The following HERC2 variants were observed in gnomAD, a reference collection of about 807,000 sequenced individuals.
HERC2 encodes the protein HECT and RLD domain containing E3 ubiquitin protein ligase 2.
A neutral mutation model predicts 537.7 loss-of-function variants in HERC2; 102 were observed. The observed-to-expected ratio is 0.19, with a 90% CI of 0.16 to 0.22. The LOEUF (loss-of-function observed/expected upper bound fraction) is 0.22, where lower values mean the gene tolerates loss of function less well. Ranked by LOEUF, HERC2 falls within the 10% of genes least tolerant of loss-of-function variation. HERC2 has a pLI of 1.00. For missense variants in HERC2, 4,236 were observed against 6,198.2 expected (o/e 0.68, Z 10.63); for synonymous variants, 2,224 against 2,466.2 (o/e 0.90, Z 2.91).
chr15:28,218,110 A>C (rs1233966740), intron 38 of HERC2, among the ~76,000 whole-genome samples: 1 of 151,214 alleles, frequency 6.6e-6, no homozygotes, highest in Middle Eastern at 3.4e-3. Flanking sequence ...ATGAGGTTGA[A>C]TGATGTCCTT....
In HERC2 at chr15:28,167,747, T is replaced by C. The variant is rs1894291355; in HGVS notation, c.10494A>G (p.Pro3498=). The C allele has an allele frequency of 6.2e-7, 1 of 1,614,174 alleles. No homozygotes were observed. Among genetic ancestry groups the C allele is most frequent in the Non-Finnish European group, 8.5e-7 (1 of 1,180,032 alleles). The change falls in exon 68 of 93, where the codon CCA becomes CCG. Residue 3498 remains proline (P), a synonymous_variant. Transcript: ENST00000261609. ...TTGCGGCTCCCAGGTCATCCGTCAC[T>C]GGGATAAAAGGCCGAGCGGAGGCTG... ...APSASARPFI[P]VTDDLGAASI... is the part of the protein sequence containing the mutation.
intron 70 of HERC2, among the ~76,000 whole-genome samples, chr15:28,151,560 A>AC (rs1434479816): frequency 6.6e-6 from 1 of 152,234 alleles, no homozygotes; most frequent in African/African-American, 2.4e-5. Context: ...TCCAGGGCAG[A>AC]CCCCAGGTGA....
At chr15:28,134,406 G>A (rs1280408904) in intron 79 of HERC2, among the ~76,000 whole-genome samples, 6 of 151,976 alleles carry the variant, frequency 3.9e-5, no homozygotes, top group Non-Finnish European at 7.4e-5. Flanking sequence ...AATGTTTTCT[G>A]CAAAAAAGAC....
rs373567574 is a variant in HERC2, at chr15:28,201,448, T to G, written c.7716+8A>C. The G allele has an allele frequency of 6.5e-7, 1 of 1,538,722 alleles. No individual in the cohort carries two copies. The highest frequency in any genetic ancestry group is 2.2e-5 in the East Asian group (1 of 44,510). ...GGATCGAGGCTCCAGCTTAAGACAA[T>G]TACTCACCTGAATATTCTCTCTCAC... is the stretch of plus-strand genomic sequence containing the variant. On this transcript the variant is annotated splice_region_variant and intron_variant, in intron 48 of 92. Coordinates refer to ENST00000261609, the MANE Select transcript of HERC2 (RefSeq NM_004667.6).
chr15:28,130,436 A>C (rs1889986696), intron 82 of HERC2, 67 bp downstream of exon 82: 1 of 1,577,456 alleles, frequency 6.3e-7, no homozygotes, highest in African/African-American at 1.4e-5. Context: ...CATCCATGAA[A>C]AGGTGGTGCA....
At position 28,249,188 on chromosome 15, in the gene HERC2, T is replaced by G. The variant is rs1188441760; in HGVS notation, c.3051-452A>C. 2.0e-5 allele frequency among the ~76,000 whole-genome samples: 3 copies of G among 152,226 alleles called. No individual in the cohort carries two copies. The East Asian group carries it at 5.8e-4, about 29-fold the overall frequency. On this transcript the variant is annotated intron_variant, in intron 20 of 92. Coordinates refer to ENST00000261609, the MANE Select transcript of HERC2 (RefSeq NM_004667.6). ...CAAAGCTGCATTTCAAACAGCAATG[T>G]GATACTACTCTTCAAGACAAGACTC...
At chr15:28,150,097 T>C (rs1462454753) in intron 70 of HERC2, among the ~76,000 whole-genome samples, 1 of 149,922 alleles carries the variant, frequency 6.7e-6, no homozygotes, top group Non-Finnish European at 1.5e-5. Context: ...CTAGTAAAAT[T>C]ACCGAAAAAC....
intron 4 of HERC2, among the ~76,000 whole-genome samples, chr15:28,289,192 T>C (rs2076243633): frequency 6.6e-6 from 1 of 151,974 alleles, no homozygotes; most frequent in Non-Finnish European, 1.5e-5. Flanking sequence ...CAAGACCTAA[T>C]TATATGATAC....
intron 20 of HERC2, among the ~76,000 whole-genome samples, chr15:28,250,066 G>A (rs1042991664): frequency 2.7e-4 from 8 of 29,522 alleles, no homozygotes; most frequent in South Asian, 2.4e-3. Context: ...CACCCGCCCC[G>A]TTGAGCCAGG....
intron 68 of HERC2, among the ~76,000 whole-genome samples, chr15:28,163,520 A>G (rs1349458198): frequency 6.6e-6 from 1 of 152,164 alleles, no homozygotes; most frequent in Non-Finnish European, 1.5e-5. Flanking sequence ...ATTTATCAAA[A>G]AGGGATGACT....
chr15:28,284,383 A>G (rs1185346767), intron 4 of HERC2, among the ~76,000 whole-genome samples: 1 of 152,188 alleles, frequency 6.6e-6, no homozygotes, highest in Non-Finnish European at 1.5e-5. Context: ...TGGCAGTGTT[A>G]AGCCTCAGTT....
intron 55 of HERC2, among the ~76,000 whole-genome samples, chr15:28,188,926 A>G (rs978141527): frequency 6.6e-6 from 1 of 152,036 alleles, no homozygotes; most frequent in African/African-American, 2.4e-5. Flanking sequence ...CGTCTCTATT[A>G]AAAATACAAA....
intron 70 of HERC2, among the ~76,000 whole-genome samples, chr15:28,148,841 C>A (rs1299570096): frequency 6.6e-6 from 1 of 151,610 alleles, no homozygotes; most frequent in Non-Finnish European, 1.5e-5. Context: ...ATAAAACACA[C>A]GCAACTTCTA....
chr15:28,318,695 G>A (rs1349782233), intron 2 of HERC2, among the ~76,000 whole-genome samples: 8 of 152,052 alleles, frequency 5.3e-5, no homozygotes, highest in African/African-American at 1.4e-4. Flanking sequence ...GGCATAAAAT[G>A]AGCCCTGCAT....
chr15:28,267,531 G>A (rs536763288), intron 12 of HERC2, among the ~76,000 whole-genome samples: 3 of 152,338 alleles, frequency 2.0e-5, no homozygotes, highest in Non-Finnish European at 2.9e-5. Flanking sequence ...CAGTGTGAGA[G>A]TAACAGCTAT....
intron 36 of HERC2, among the ~76,000 whole-genome samples, chr15:28,220,873 C>G (rs1900455758): frequency 1.3e-5 from 2 of 148,828 alleles, no homozygotes; most frequent in African/African-American, 5.0e-5. Flanking sequence ...CCATGGCTCC[C>G]ACCAGACCTC....
Position 28,229,258 on chromosome 15 carries a change from C to T in HERC2, c.5209G>A (p.Ala1737Thr), listed in dbSNP as rs770335467. ...LLEVTFGKLY[A>T]WAVQNIRNVL... ...TTTCGAATGTTCTGTACAGCCCAAGCGTACAGCTTGCCAAAGGTGACTTCC... is the reference window on the plus strand; with the variant it reads ...TTTCGAATGTTCTGTACAGCCCAAGTGTACAGCTTGCCAAAGGTGACTTCC... The change falls in exon 34 of 93, where the codon GCT (alanine) becomes ACT (threonine). Residue 1737 changes from alanine to threonine, a missense_variant. Physicochemically the swap from Ala to Thr is moderately conservative, Grantham distance 58. This residue lies in a region of HERC2 where 343 missense variants were observed against 417.2 expected (regional missense o/e 0.82). Coordinates refer to ENST00000261609, the MANE Select transcript of HERC2 (RefSeq NM_004667.6). 1.1e-5 allele frequency: 18 copies of T among 1,613,666 alleles called. No homozygotes were observed. Among genetic ancestry groups the T allele is most frequent in the South Asian group, 2.2e-5 (2 of 91,058 alleles).
chr15:28,147,872 A>C (rs1401852924), intron 70 of HERC2, among the ~76,000 whole-genome samples: 1 of 151,942 alleles, frequency 6.6e-6, no homozygotes, highest in Non-Finnish European at 1.5e-5. Context: ...TCATCTCCAC[A>C]AAAAATAAAA....
chr15:28,163,896 T>C (rs574198793), intron 68 of HERC2, among the ~76,000 whole-genome samples: 2 of 152,300 alleles, frequency 1.3e-5, no homozygotes, highest in Admixed American at 1.3e-4. Flanking sequence ...ACTCCTCTCC[T>C]TGTTTGCTAT....
Sources: allele counts gnomAD v4.1 joint callset (sites outside exome capture counted in the v4.1 genomes callset), GRCh38; gene constraint gnomAD v4.1.1; regional missense constraint gnomAD v4.1.1; transcripts MANE v1.5; gene names NCBI Gene and HGNC (gene_info 2026-07-23, HGNC 2026-07-21).